Variants in WWOX observed in about 807,000 individuals in gnomAD.
WWOX encodes the protein WW domain-containing oxidoreductase.
Under a neutral mutation model 46.2 loss-of-function variants are expected in WWOX, and 69 were observed. The observed-to-expected ratio is 1.49, with a 90% CI of 1.23 to 1.82. WWOX has a LOEUF of 1.82. Among genes scored for constraint, WWOX ranks in the 40% most tolerant of loss-of-function variants. WWOX has a pLI of 0.00. For synonymous variants in WWOX, 359 were observed against 202.6 expected (o/e 1.77, Z -6.56); for missense variants, 919 against 542.6 (o/e 1.69, Z -6.89).
intron 8 of WWOX, among the ~76,000 whole-genome samples, chr16:78,566,714 C>G (rs759304926): frequency 2.0e-5 from 3 of 152,162 alleles, no homozygotes; most frequent in Non-Finnish European, 2.9e-5. Flanking sequence ...TTTAGTGACA[C>G]CAAAGTGGGC....
intron 8 of WWOX, among the ~76,000 whole-genome samples, chr16:78,795,050 A>C (rs1485484461): frequency 1.3e-5 from 2 of 151,902 alleles, no homozygotes; most frequent in Non-Finnish European, 2.9e-5. Flanking sequence ...TTTCCAGCCA[A>C]CTCATTTTGG....
chr16:78,327,167 A>G (rs1027326317), intron 5 of WWOX, among the ~76,000 whole-genome samples: 1 of 152,194 alleles, frequency 6.6e-6, no homozygotes, highest in African/African-American at 2.4e-5. Flanking sequence ...CCCAGAGTTC[A>G]TTTAAGTGGC....
At chr16:78,312,179 C>G (rs886877407) in intron 5 of WWOX, among the ~76,000 whole-genome samples, 5 of 152,160 alleles carry the variant, frequency 3.3e-5, no homozygotes, top group East Asian at 3.8e-4. Flanking sequence ...TTAAGGTCAG[C>G]TGACTAGCAA....
At chr16:78,127,142 C>G (rs2033395813) in intron 4 of WWOX, among the ~76,000 whole-genome samples, 1 of 152,174 alleles carries the variant, frequency 6.6e-6, no homozygotes, top group Admixed American at 6.5e-5. Context: ...GAGCAAGTTA[C>G]TTTCCTTCTC....
intron 5 of WWOX, chr16:78,237,251 T>C (rs1377257834): frequency 1.3e-5 from 2 of 152,232 alleles, no homozygotes; most frequent in Admixed American, 1.3e-4. Context: ...ATGAGAAGTT[T>C]GTATCCTGCC....
chr16:78,595,198 A>G (rs935609997), intron 8 of WWOX, among the ~76,000 whole-genome samples: 1 of 152,236 alleles, frequency 6.6e-6, no homozygotes, highest in Non-Finnish European at 1.5e-5. Flanking sequence ...CTGCTGAAAT[A>G]GATTTGGAGT....
At chr16:78,446,558 T>C (rs1279590207) in intron 8 of WWOX, among the ~76,000 whole-genome samples, 4 of 151,996 alleles carry the variant, frequency 2.6e-5, no homozygotes, top group Non-Finnish European at 2.9e-5. Flanking sequence ...ATTGATATTA[T>C]AATTAATATT....
Position 78,413,164 on chromosome 16 carries a change from A to T in WWOX, c.606-11706A>T, listed in dbSNP as rs1422221466. On this transcript the variant is annotated intron_variant, in intron 6 of 8. Coordinates refer to ENST00000566780, the MANE Select transcript of WWOX (RefSeq NM_016373.4). ...CCACACAGAGCCAGCTGTATGGGAAACCAGAGTTGTACTACTCAAATCAAT... is the reference window on the plus strand; with the variant it reads ...CCACACAGAGCCAGCTGTATGGGAATCCAGAGTTGTACTACTCAAATCAAT... Among the ~76,000 whole-genome samples the T allele has an allele frequency of 4.6e-5, 7 of 152,294 alleles. No homozygotes were observed. In the East Asian group the frequency reaches 1.4e-3, roughly 29 times the overall value.
chr16:78,396,635 A>C (rs1340565612), intron 6 of WWOX, among the ~76,000 whole-genome samples: 1 of 152,184 alleles, frequency 6.6e-6, no homozygotes, highest in African/African-American at 2.4e-5. Context: ...AAATAATGTT[A>C]ATTATTGTTG....
At chr16:78,244,764 C>T (rs1293852141) in intron 5 of WWOX, among the ~76,000 whole-genome samples, 5 of 152,024 alleles carry the variant, frequency 3.3e-5, no homozygotes, top group Admixed American at 6.6e-5. Context: ...TAGGCGGGCC[C>T]GAAATGTACA....
At chr16:78,175,863 G>C (rs1652552517) in intron 5 of WWOX, among the ~76,000 whole-genome samples, 1 of 152,220 alleles carries the variant, frequency 6.6e-6, no homozygotes, top group Non-Finnish European at 1.5e-5. Flanking sequence ...ATCCTTAAGA[G>C]AGACTGGACA....
At chr16:78,260,531 G>T (rs1215794133) in intron 5 of WWOX, among the ~76,000 whole-genome samples, 1 of 151,460 alleles carries the variant, frequency 6.6e-6, no homozygotes, top group Non-Finnish European at 1.5e-5. Flanking sequence ...AGCTGGGCAT[G>T]GTGGCAGGTG....
intron 8 of WWOX, among the ~76,000 whole-genome samples, chr16:78,707,824 G>T (rs2048355158): frequency 6.7e-6 from 1 of 149,892 alleles, no homozygotes; most frequent in Non-Finnish European, 1.5e-5. Flanking sequence ...TAGAGAGCGA[G>T]ACTCTGTCTC....
At chr16:78,807,474 C>G (rs2051072915) in intron 8 of WWOX, among the ~76,000 whole-genome samples, 1 of 152,182 alleles carries the variant, frequency 6.6e-6, no homozygotes, top group Admixed American at 6.5e-5. Flanking sequence ...AAAAAAATGA[C>G]AGCTATAACA....
rs114923449 is a variant in WWOX, at chr16:78,460,963, T to A, written c.1056+28211T>A. Reference sequence around the variant, plus strand: ...TGACAGGGGTATCAGTAATGTTGATTACTAAGTTCTTGCCACAGGTAGAAG... The same window carrying A: ...TGACAGGGGTATCAGTAATGTTGATAACTAAGTTCTTGCCACAGGTAGAAG... On this transcript the variant is annotated intron_variant, in intron 8 of 8. Transcript: ENST00000566780. 9.2e-3 allele frequency among the ~76,000 whole-genome samples: 1,378 copies of A among 150,120 alleles called. 28 individuals are homozygous for A. Among genetic ancestry groups the A allele is most frequent in the African/African-American group, 0.031 (1,291 of 41,124 alleles).
At chr16:78,562,803 T>G (rs1444088225) in intron 8 of WWOX, among the ~76,000 whole-genome samples, 1 of 152,168 alleles carries the variant, frequency 6.6e-6, no homozygotes, top group Non-Finnish European at 1.5e-5. Flanking sequence ...AGCTCTTCAG[T>G]GTCATCACAG....
At chr16:78,780,394 C>T (rs1365457701) in intron 8 of WWOX, 4 of 152,180 alleles carry the variant, frequency 2.6e-5, no homozygotes. Flanking sequence ...TAATTCATGT[C>T]ATCCTTTGGA....
chr16:78,290,720 C>T (rs942843655), intron 5 of WWOX, among the ~76,000 whole-genome samples: 1 of 151,418 alleles, frequency 6.6e-6, no homozygotes, highest in African/African-American at 2.4e-5. Context: ...GGGAAAATGA[C>T]TTCTGTAATA....
chr16:78,534,094 T>A (rs928485266), intron 8 of WWOX, among the ~76,000 whole-genome samples: 3 of 152,188 alleles, frequency 2.0e-5, no homozygotes, highest in African/African-American at 7.2e-5. Context: ...TTAGAATCAT[T>A]GAATCCCTGA....
Sources: gnomAD v4.1 joint callset for allele counts (sites outside exome capture counted in the v4.1 genomes callset) on GRCh38, gnomAD v4.1.1 for gene constraint, MANE v1.5 for transcripts, NCBI Gene and HGNC (gene_info 2026-07-23, HGNC 2026-07-21) for gene names.